RMI1: variants seen among roughly 807,000 people sequenced by gnomAD.
RMI1 encodes the protein recQ-mediated genome instability protein 1.
Under a neutral mutation model 46.7 loss-of-function variants are expected in RMI1, and 36 were observed. The ratio of observed to expected loss-of-function variants is 0.77; its 90% CI spans 0.59 to 1.02. The LOEUF is 1.02. Among genes scored for constraint, RMI1 ranks in the 50% least tolerant of loss-of-function variants. RMI1 has a pLI of 0.00. For missense variants in RMI1, 676 were observed against 713.7 expected (o/e 0.95, Z 0.60); for synonymous variants, 250 against 252.9 (o/e 0.99, Z 0.11).
rs1474397137 is a variant in RMI1 at position 84,003,987 on chromosome 9, G to A, written c.*1123G>A. The A allele has an allele frequency of 6.1e-6, 1 of 163,236 alleles. No individual in the cohort carries two copies. The highest frequency in any genetic ancestry group is 2.4e-5 in the African/African-American group (1 of 41,390). The allele number at this position is 163,236 out of a possible 1,614,324, so 10.1% of individuals were successfully genotyped here. The stretch of plus-strand genomic sequence containing the variant: ...GCTGTTATAAAGTTGTATTTGAAAG[G>A]TAATGTTGTTTTTATTAATCTTTTG... On this transcript the variant is annotated 3_prime_UTR_variant, in exon 3 of 3. Coordinates refer to ENST00000445877, the MANE Select transcript of RMI1 (RefSeq NM_001358291.2).
At position 84,001,463 on chromosome 9, in the gene RMI1, T is replaced by G. The variant is rs1190574223; in HGVS notation, c.477T>G (p.Ser159Arg). ...ATCAGCCTATTCCAATTCTTCATAG[T>G]GATCTTCCTCCAGGTACAAAAATTT... ...MEYQPIPILH[S>R]DLPPGTKILI... The change falls in exon 3 of 3, where the codon AGT becomes AGG. Residue 159 changes from serine to arginine, a missense_variant. Physicochemically the swap from Ser to Arg is moderately radical, Grantham distance 110. Transcript: ENST00000445877. The G allele has an allele frequency of 6.8e-6, 11 of 1,613,990 alleles. No homozygotes were observed. The highest frequency in any genetic ancestry group is 9.3e-6 in the Non-Finnish European group (11 of 1,180,010).
In RMI1 at chr9:84,002,703, A is replaced by C. The variant is rs1426034442; in HGVS notation, c.1717A>C (p.Lys573Gln). 1.2e-6 allele frequency: 2 copies of C among 1,613,816 alleles called. No individual in the cohort carries two copies. Among genetic ancestry groups the C allele is most frequent in the Non-Finnish European group, 1.7e-6 (2 of 1,179,940 alleles). The change falls in exon 3 of 3, where the codon AAG becomes CAG. Residue 573 changes from lysine to glutamine, a missense_variant. Physicochemically the swap from Lys to Gln is moderately conservative, Grantham distance 53 (BLOSUM62 1). Coordinates refer to ENST00000445877, the MANE Select transcript of RMI1 (RefSeq NM_001358291.2). ...QSKKDPLQYQKFLEGLQKCQR... is the reference protein window; with the variant it reads ...QSKKDPLQYQQFLEGLQKCQR... ...AAAAAAGGATCCTCTTCAATACCAAAAGTTCCTGGAAGGGTTGCAGAAATG... is the reference window on the plus strand; with the variant it reads ...AAAAAAGGATCCTCTTCAATACCAACAGTTCCTGGAAGGGTTGCAGAAATG...
chr9:83,996,108 G>C (rs1273956623), intron 1 of RMI1, among the ~76,000 whole-genome samples: 1 of 152,072 alleles, frequency 6.6e-6, no homozygotes, highest in South Asian at 2.1e-4. Flanking sequence ...GTTTTTTCCT[G>C]TGTGTGTTTT....
In RMI1 at chr9:84,002,658, G is replaced by T. The variant is rs1225304847; in HGVS notation, c.1672G>T (p.Val558Leu). The change falls in exon 3 of 3, where the codon GTA becomes TTA. Residue 558 changes from valine (V) to leucine (L), a missense_variant. Transcript: ENST00000445877. Reference protein sequence around the residue: ...EILTSLIGFSVPEMKQSKKDP... With the variant: ...EILTSLIGFSLPEMKQSKKDP... ...ACTTACTAGCTTGATAGGGTTCTCA[G>T]TACCAGAAATGAAACAGTCAAAAAA... The T allele has an allele frequency of 6.2e-7, 1 of 1,613,794 alleles. No individual in the cohort carries two copies. Among genetic ancestry groups the T allele is most frequent in the African/African-American group, 1.3e-5 (1 of 74,904 alleles).
chr9:83,993,186 T>C (rs1168002132), intron 1 of RMI1, among the ~76,000 whole-genome samples: 1 of 152,230 alleles, frequency 6.6e-6, no homozygotes, highest in African/African-American at 2.4e-5. Context: ...ACAAACACCA[T>C]TCTACTTTCC....
At position 83,991,393 on chromosome 9, in the gene RMI1, A is replaced by G. The variant is rs370770867; in HGVS notation, c.-125-8316A>G. 9.2e-5 allele frequency among the ~76,000 whole-genome samples: 14 copies of G among 151,946 alleles called. No homozygotes were observed. In the South Asian group the frequency reaches 2.9e-3, roughly 32 times the overall value. On this transcript the variant is annotated intron_variant, in intron 1 of 2. Coordinates refer to ENST00000445877, the MANE Select transcript of RMI1 (RefSeq NM_001358291.2). Reference sequence around the variant, plus strand: ...TGCAGTGGCACAAACATGGCTGACTACAGCCTCAACCTCCTGGGCTCAAGG... The same window carrying G: ...TGCAGTGGCACAAACATGGCTGACTGCAGCCTCAACCTCCTGGGCTCAAGG...
intron 1 of RMI1, among the ~76,000 whole-genome samples, chr9:83,995,955 A>G (rs997326752): frequency 3.9e-5 from 6 of 152,184 alleles, no homozygotes; most frequent in Admixed American, 1.3e-4. Flanking sequence ...TATATTTAGT[A>G]TGCTCAAAGA....
chr9:84,002,707 T>C lies in RMI1; in HGVS notation c.1721T>C (p.Phe574Ser). The C allele has an allele frequency of 6.2e-7, 1 of 1,613,962 alleles. No homozygotes were observed. The highest frequency in any genetic ancestry group is 2.2e-5 in the East Asian group (1 of 44,814). The change falls in exon 3 of 3, where the codon TTC (phenylalanine) becomes TCC (serine). Residue 574 changes from phenylalanine to serine, a missense_variant. By Grantham distance (155) the Phe-to-Ser change is radical (BLOSUM62 -2). Coordinates refer to ENST00000445877, the MANE Select transcript of RMI1 (RefSeq NM_001358291.2). Reference protein sequence around the residue: ...SKKDPLQYQKFLEGLQKCQRD... With the variant: ...SKKDPLQYQKSLEGLQKCQRD... ...AAGGATCCTCTTCAATACCAAAAGT[T>C]CCTGGAAGGGTTGCAGAAATGTCAA...
At chr9:83,995,481 G>A (rs1957637151) in intron 1 of RMI1, among the ~76,000 whole-genome samples, 4 of 148,240 alleles carry the variant, frequency 2.7e-5, no homozygotes, top group Admixed American at 2.0e-4. Context: ...AGGCTAGAGT[G>A]CAATAGCACG....
intron 1 of RMI1, among the ~76,000 whole-genome samples, chr9:83,981,412 T>A (rs972498017): frequency 2.6e-5 from 4 of 152,248 alleles, no homozygotes; most frequent in African/African-American, 9.6e-5. Flanking sequence ...CTTGTGGCAG[T>A]GATGAAAACA....
At chr9:83,983,450 T>C (rs1957447939) in intron 1 of RMI1, among the ~76,000 whole-genome samples, 1 of 152,188 alleles carries the variant, frequency 6.6e-6, no homozygotes, top group South Asian at 2.1e-4. Flanking sequence ...CTTGAACTCA[T>C]CCTCAATGAA....
intron 1 of RMI1, among the ~76,000 whole-genome samples, chr9:83,995,309 T>A (rs1475730870): frequency 1.3e-5 from 2 of 152,018 alleles, no homozygotes; most frequent in Non-Finnish European, 2.9e-5. Flanking sequence ...CAACCATTAC[T>A]TTTTAAAAAA....
intron 1 of RMI1, among the ~76,000 whole-genome samples, chr9:83,986,192 C>T (rs1333726312): frequency 1.3e-5 from 2 of 152,148 alleles, no homozygotes; most frequent in Non-Finnish European, 2.9e-5. Flanking sequence ...AACCGCAGCA[C>T]TATGTCGAAG....
intron 1 of RMI1, among the ~76,000 whole-genome samples, chr9:83,987,729 T>G (rs1426704674): frequency 2.0e-5 from 3 of 152,246 alleles, no homozygotes; most frequent in Non-Finnish European, 4.4e-5. Context: ...TTTTCCAGAA[T>G]GTCATATAAA....
In RMI1 at chr9:84,002,335, A is replaced by G. The variant is rs1379678008; in HGVS notation, c.1349A>G (p.Tyr450Cys). ...ATATTAAATAGAGAGGTGGTCAACT[A>G]TGTACAGAAAAGGAATTCACAAATT... ...NKILNREVVNYVQKRNSQISN... is the reference protein window; with the variant it reads ...NKILNREVVNCVQKRNSQISN... The change falls in exon 3 of 3, where the codon TAT (tyrosine) becomes TGT (cysteine). Residue 450 changes from tyrosine to cysteine, a missense_variant. By Grantham distance (194) the Tyr-to-Cys change is radical (BLOSUM62 -2). Transcript: ENST00000445877. 2.5e-6 allele frequency: 4 copies of G among 1,602,440 alleles called. No homozygotes were observed. Among genetic ancestry groups the G allele is most frequent in the Admixed American group, 1.7e-5 (1 of 59,516 alleles).
chr9:84,001,011 A>G lies in RMI1; in HGVS notation c.25A>G (p.Arg9Gly). 6.2e-7 allele frequency: 1 copy of G among 1,610,788 alleles called. No individual in the cohort carries two copies. MNVTSIAL[R>G]AETWLLAAWH... ...AATGAATGTGACTAGTATTGCATTA[A>G]GAGCTGAAACTTGGCTTTTAGCTGC... The change falls in exon 3 of 3, where the codon AGA becomes GGA. Residue 9 changes from arginine to glycine, a missense_variant. Transcript: ENST00000445877.
Position 84,002,141 on chromosome 9 carries a change from A to G in RMI1, c.1155A>G (p.Glu385=). The change falls in exon 3 of 3, where the codon GAA becomes GAG. Residue 385 remains glutamate (E), a synonymous_variant. Transcript: ENST00000445877. ...ATGTATCTGAACAAATGACTAATGA[A>G]GACAAATCATTTGGTTGTCCATCTG... is the stretch of plus-strand genomic sequence containing the variant. ...EKNVSEQMTN[E]DKSFGCPSVR... is the part of the protein sequence containing the mutation. 1 of 1,613,784 alleles carries G rather than the reference A, an allele frequency of 6.2e-7. No individual in the cohort carries two copies.
chr9:83,981,210 G>A (rs1487769024), intron 1 of RMI1, among the ~76,000 whole-genome samples: 1 of 152,244 alleles, frequency 6.6e-6, no homozygotes, highest in African/African-American at 2.4e-5. Context: ...GGGCACAGGC[G>A]GTTTCACAGG....
At chr9:83,998,697 C>G (rs1189958329) in intron 1 of RMI1, among the ~76,000 whole-genome samples, 1 of 152,120 alleles carries the variant, frequency 6.6e-6, no homozygotes, top group African/African-American at 2.4e-5. Flanking sequence ...ATAGCAGTAG[C>G]TTAAGGTGAG....
Sources: allele counts gnomAD v4.1 joint callset (sites outside exome capture counted in the v4.1 genomes callset), GRCh38; gene constraint gnomAD v4.1.1; transcripts MANE v1.5; gene names NCBI Gene and HGNC (gene_info 2026-07-23, HGNC 2026-07-21).